Variants in CCDC192 observed in about 807,000 individuals in gnomAD.
CCDC192 encodes the protein coiled-coil domain-containing protein 192.
At chr5:127,821,926 G>A (rs1381170166) in intron 5 of CCDC192, among the ~76,000 whole-genome samples, 1 of 152,148 alleles carries the variant, frequency 6.6e-6, no homozygotes. Context: ...TATCTCACAA[G>A]CTCTATTGGC....
intron 6 of CCDC192, among the ~76,000 whole-genome samples, chr5:127,929,893 T>C (rs1170324947): frequency 6.6e-6 from 1 of 152,118 alleles, no homozygotes; most frequent in Non-Finnish European, 1.5e-5. Context: ...TTGACACTAG[T>C]GCAACATGCA....
chr5:127,840,153 G>C (rs1156319617), intron 5 of CCDC192, among the ~76,000 whole-genome samples: 1 of 152,162 alleles, frequency 6.6e-6, no homozygotes, highest in Non-Finnish European at 1.5e-5. Flanking sequence ...CCCTACCCTT[G>C]CTGGCTAGGA....
chr5:127,843,246 C>T (rs1189043970), intron 5 of CCDC192, among the ~76,000 whole-genome samples: 12 of 151,088 alleles, frequency 7.9e-5, no homozygotes, highest in African/African-American at 2.4e-4. Flanking sequence ...CACCATGTTA[C>T]CCCGGATGGT....
At chr5:127,860,718 G>C (rs562104175) in intron 5 of CCDC192, among the ~76,000 whole-genome samples, 222 of 152,190 alleles carry the variant, frequency 1.5e-3, no homozygotes, top group African/African-American at 5.1e-3. Context: ...TAAACAGAAA[G>C]CATGCAAATA....
chr5:127,833,903 C>G (rs1434974101), intron 5 of CCDC192, among the ~76,000 whole-genome samples: 2 of 152,054 alleles, frequency 1.3e-5, no homozygotes, highest in Non-Finnish European at 2.9e-5. Context: ...CATGCATCCA[C>G]AATTAAGTGA....
intron 6 of CCDC192, among the ~76,000 whole-genome samples, chr5:127,917,342 A>G (rs1753551896): frequency 6.6e-6 from 1 of 152,132 alleles, no homozygotes; most frequent in Non-Finnish European, 1.5e-5. Context: ...TTATGTTTTC[A>G]CTGAATAGCA....
intron 6 of CCDC192, among the ~76,000 whole-genome samples, chr5:127,876,267 A>G (rs1031335464): frequency 6.6e-6 from 1 of 152,150 alleles, no homozygotes; most frequent in African/African-American, 2.4e-5. Flanking sequence ...AAAAAACTCC[A>G]AATCTCAGAC....
intron 6 of CCDC192, among the ~76,000 whole-genome samples, chr5:127,933,558 A>C (rs1439678929): frequency 6.6e-6 from 1 of 152,152 alleles, no homozygotes. Context: ...GAGTGGTTAG[A>C]GACAAGTGTT....
chr5:127,737,375 G>A (rs1170385540), intron 2 of CCDC192, among the ~76,000 whole-genome samples: 1 of 152,150 alleles, frequency 6.6e-6, no homozygotes, highest in Non-Finnish European at 1.5e-5. Flanking sequence ...TGGAATAGAT[G>A]TGGTGTGGTG....
chr5:127,920,148 AT>A (rs1190251337), intron 6 of CCDC192, among the ~76,000 whole-genome samples: 5 of 152,220 alleles, frequency 3.3e-5, no homozygotes, highest in Admixed American at 3.3e-4. Context: ...ACATAGAACC[AT>A]TTTAGAAATA....
intron 6 of CCDC192, among the ~76,000 whole-genome samples, chr5:127,878,447 C>T (rs1752195510): frequency 6.6e-6 from 1 of 152,206 alleles, no homozygotes; most frequent in Non-Finnish European, 1.5e-5. Flanking sequence ...TAGGAGAAAT[C>T]CACTTTCTTA....
chr5:127,796,844 T>A (rs1311077004), intron 3 of CCDC192, among the ~76,000 whole-genome samples: 1 of 152,242 alleles, frequency 6.6e-6, no homozygotes, highest in East Asian at 1.9e-4. Context: ...AATTTCTCTA[T>A]TTCTAGTATT....
At chr5:127,846,028 C>T (rs1750517401) in intron 5 of CCDC192, among the ~76,000 whole-genome samples, 1 of 152,136 alleles carries the variant, frequency 6.6e-6, no homozygotes, top group South Asian at 2.1e-4. Context: ...TGGTGGCTCA[C>T]TCCTGTAATC....
intron 5 of CCDC192, among the ~76,000 whole-genome samples, chr5:127,858,603 G>A (rs1751210806): frequency 6.6e-6 from 1 of 152,192 alleles, no homozygotes; most frequent in African/African-American, 2.4e-5. Context: ...CAGAGACTAT[G>A]ATTGTCTTGC....
At chr5:127,929,869 A>T (rs1419648887) in intron 6 of CCDC192, among the ~76,000 whole-genome samples, 1 of 152,186 alleles carries the variant, frequency 6.6e-6, no homozygotes, top group African/African-American at 2.4e-5. Context: ...GAAAAACTTG[A>T]AAAAGTCCCA....
intron 5 of CCDC192, among the ~76,000 whole-genome samples, chr5:127,816,642 A>T (rs1220192224): frequency 2.0e-5 from 3 of 152,156 alleles, no homozygotes; most frequent in African/African-American, 7.2e-5. Flanking sequence ...CTCCACTAGA[A>T]CTTTTGCTTC....
At chr5:127,932,027 AC>A (rs1754043397) in intron 6 of CCDC192, among the ~76,000 whole-genome samples, 1 of 151,184 alleles carries the variant, frequency 6.6e-6, no homozygotes, top group Non-Finnish European at 1.5e-5. Context: ...GGTGGTGCGC[AC>A]CTGTAGTCCC....
chr5:127,930,135 G>A (rs532855537), intron 6 of CCDC192, among the ~76,000 whole-genome samples: 9 of 152,272 alleles, frequency 5.9e-5, no homozygotes, highest in South Asian at 2.1e-4. Context: ...CCCTGGAGGC[G>A]GAGGTTACAG....
chr5:127,732,455 A>G (rs529680297), intron 2 of CCDC192, among the ~76,000 whole-genome samples: 1 of 152,364 alleles, frequency 6.6e-6, no homozygotes, highest in South Asian at 2.1e-4. Flanking sequence ...AAGACATGTA[A>G]CAAGAAATAC....
Sources: gnomAD v4.1 joint callset for allele counts (sites outside exome capture counted in the v4.1 genomes callset) on GRCh38, gnomAD v4.1.1 for gene constraint, MANE v1.5 for transcripts, NCBI Gene and HGNC (gene_info 2026-07-23, HGNC 2026-07-21) for gene names.